The following DNAH11 variants were observed in gnomAD, a reference collection of about 807,000 sequenced individuals.
The protein encoded by DNAH11 is axonemal beta dynein heavy chain 11.
A neutral mutation model predicts 526.0 loss-of-function variants in DNAH11; 442 were observed. The observed-to-expected ratio is 0.84, with a 90% CI of 0.78 to 0.91. The LOEUF (loss-of-function observed/expected upper bound fraction) is 0.91. DNAH11 is among the 40% of genes least tolerant of loss of function. The pLI is 0.00. For synonymous variants in DNAH11, 2,461 were observed against 1,935.9 expected (o/e 1.27, Z -7.12); for missense variants, 6,989 against 5,448.7 (o/e 1.28, Z -8.90).
intron 81 of DNAH11, 78 bp from the exon 82 acceptor site, chr7:21,900,929 T>G: frequency 7.2e-7 from 1 of 1,395,480 alleles, no homozygotes. Flanking sequence ...GAATGTTTAT[T>G]GCATCAAACA....
chr7:21,816,532 C>G lies in DNAH11; in HGVS notation c.10398C>G (p.Ala3466=). 1 of 1,612,728 alleles carries G rather than the reference C, an allele frequency of 6.2e-7. No homozygotes were observed. The highest frequency in any genetic ancestry group is 2.2e-5 in the East Asian group (1 of 44,832). The change falls in exon 64 of 82, where the codon GCC becomes GCG. Residue 3466 remains alanine (A), a synonymous_variant. Transcript: ENST00000409508. Reference sequence around the variant, plus strand: ...TGTTGACGGATGATGCTACAATTGCCGCCTGGAATAACGAAGGACTGCCCA... The same window carrying G: ...TGTTGACGGATGATGCTACAATTGCGGCCTGGAATAACGAAGGACTGCCCA... ...ISMLTDDATI[A]AWNNEGLPSD...
In DNAH11 at chr7:21,901,132, G is replaced by C. The variant is rs551275210; in HGVS notation, c.13429G>C (p.Glu4477Gln). ...CAGACAAGAAACCAAACAGACCTAC[G>C]AGTGCCCTGTGTATAGAACCAAACT... ...VDRQETKQTY[E>Q]CPVYRTKLRG... Residue 4477 changes from glutamate to glutamine, a missense_variant, in exon 82 of 82, where the codon GAG becomes CAG. Coordinates refer to ENST00000409508, the MANE Select transcript of DNAH11 (RefSeq NM_001277115.2). The C allele has an allele frequency of 4.3e-6, 7 of 1,613,236 alleles. No individual in the cohort carries two copies. Among genetic ancestry groups the C allele is most frequent in the Non-Finnish European group, 5.9e-6 (7 of 1,179,382 alleles).
At chr7:21,728,554 C>T (rs558939710) in intron 45 of DNAH11, among the ~76,000 whole-genome samples, 5 of 152,204 alleles carry the variant, frequency 3.3e-5, no homozygotes, top group African/African-American at 9.6e-5. Context: ...CCGCCACGCC[C>T]GGCCTACCAA....
At position 21,744,513 on chromosome 7, in the gene DNAH11, C is replaced by G; in HGVS notation, c.8230C>G (p.Arg2744Gly). 6.2e-7 allele frequency: 1 copy of G among 1,613,760 alleles called. No individual in the cohort carries two copies. Among genetic ancestry groups the G allele is most frequent in the Non-Finnish European group, 8.5e-7 (1 of 1,179,810 alleles). ...ACATCTGTGGCTTCATGAATCTGCC[C>G]GTGTTTATGGAGACAAACTGATAGA... is the stretch of plus-strand genomic sequence containing the variant. ...LIHLWLHESA[R>G]VYGDKLIDKK... Residue 2744 changes from arginine to glycine, a missense_variant, in exon 50 of 82, where the codon CGT becomes GGT. Physicochemically the swap from Arg to Gly is moderately radical, Grantham distance 125. Transcript: ENST00000409508.
At chr7:21,874,543 C>T (rs534146374) in intron 74 of DNAH11, among the ~76,000 whole-genome samples, 9 of 152,178 alleles carry the variant, frequency 5.9e-5, no homozygotes, top group Non-Finnish European at 8.8e-5. Context: ...ATCATGTTAG[C>T]CAGGCTGGTC....
chr7:21,659,987 A>G (rs1297752951), intron 30 of DNAH11, among the ~76,000 whole-genome samples: 1 of 152,098 alleles, frequency 6.6e-6, no homozygotes, highest in African/African-American at 2.4e-5. Context: ...TTGGGGAAAA[A>G]GAAATTCTTG....
At position 21,658,937 on chromosome 7, in the gene DNAH11, G is replaced by C. The variant is rs1484733044; in HGVS notation, c.5234G>C (p.Ser1745Thr). ...TTCCCAGCTCAGGTTGCACTAACCA[G>C]CTCACAAATATGGTGGACCACAGAT... ...FDFPAQVALT[S>T]SQIWWTTDVG... The change falls in exon 30 of 82, where the codon AGC becomes ACC. Residue 1745 changes from serine (S) to threonine (T), a missense_variant. By Grantham distance (58) the Ser-to-Thr change is moderately conservative. Coordinates refer to ENST00000409508, the MANE Select transcript of DNAH11 (RefSeq NM_001277115.2). 6.2e-7 allele frequency: 1 copy of C among 1,610,774 alleles called. No homozygotes were observed. The highest frequency in any genetic ancestry group is 1.3e-5 in the African/African-American group (1 of 74,892).
At position 21,872,755 on chromosome 7, in the gene DNAH11, T is replaced by G. The variant is rs76687449; in HGVS notation, c.11968-519T>G. Among the ~76,000 whole-genome samples the G allele has an allele frequency of 1.9e-3, 286 of 152,384 alleles. 1 individual carries two copies. Among genetic ancestry groups the G allele is most frequent in the African/African-American group, 6.5e-3 (270 of 41,596 alleles). ...ACAAAACATCTTAACAATGAATGAT[T>G]GCTTGCTTTCAGCTAGCCTTGCTTC... On this transcript the variant is annotated intron_variant, in intron 73 of 81. Coordinates refer to ENST00000409508, the MANE Select transcript of DNAH11 (RefSeq NM_001277115.2).
intron 14 of DNAH11, among the ~76,000 whole-genome samples, chr7:21,597,176 C>T (rs150893591): frequency 3.3e-5 from 5 of 152,258 alleles, no homozygotes; most frequent in African/African-American, 4.8e-5. Context: ...CTTTCTCTTC[C>T]TTTCGCTCCC....
rs541088895 is a variant in DNAH11 at position 21,830,117 on chromosome 7, T to C, written c.10691+11778T>C. Among the ~76,000 whole-genome samples the C allele has an allele frequency of 1.2e-4, 19 of 152,338 alleles. No individual in the cohort carries two copies. In the South Asian group the frequency reaches 3.9e-3, roughly 32 times the overall value. ...TTATGCATATCTGACGTTTGAAAGG[T>C]TAATTTATAGATGATACGTATTTGA... is the stretch of plus-strand genomic sequence containing the variant. On this transcript the variant is annotated intron_variant, in intron 65 of 81. Coordinates refer to ENST00000409508, the MANE Select transcript of DNAH11 (RefSeq NM_001277115.2).
Position 21,899,537 on chromosome 7 carries a change from T to C in DNAH11, c.13162+89T>C. The stretch of plus-strand genomic sequence containing the variant: ...TTTGTTTACCTATGATGGCGTCTCC[T>C]TGCCCTGCTCACCAATCCTCAAGCA... On this transcript the variant is annotated intron_variant, in intron 80 of 81. Transcript: ENST00000409508. 4.0e-6 allele frequency: 4 copies of C among 1,011,524 alleles called. No homozygotes were observed. The South Asian group carries it at 4.7e-5, about 12-fold the overall frequency. 62.7% of individuals were successfully genotyped at this position (1,011,524 alleles called of 1,614,324 possible). A position where few individuals can be genotyped will look rare whatever the true frequency, so the allele number is the denominator to read the frequency against.
In DNAH11 at chr7:21,703,141, C is replaced by T. The variant is rs184547608; in HGVS notation, c.6273+339C>T. Among the ~76,000 whole-genome samples, 220 of 152,158 alleles carry T rather than the reference C, an allele frequency of 1.4e-3. 1 individual carries two copies. Among genetic ancestry groups the T allele is most frequent in the Admixed American group, 6.6e-3 (101 of 15,292 alleles). On this transcript the variant is annotated intron_variant, in intron 37 of 81. Coordinates refer to ENST00000409508, the MANE Select transcript of DNAH11 (RefSeq NM_001277115.2). ...ATCTGATTGAATTGGGATATTAATCCTGGAAAGTCAGCGAAGACATAATGG... is the reference window on the plus strand; with the variant it reads ...ATCTGATTGAATTGGGATATTAATCTTGGAAAGTCAGCGAAGACATAATGG...
chr7:21,644,253 A>C (rs1361302665), intron 28 of DNAH11, among the ~76,000 whole-genome samples: 1 of 152,118 alleles, frequency 6.6e-6, no homozygotes, highest in Non-Finnish European at 1.5e-5. Flanking sequence ...TAGACCCCAC[A>C]TTCCCACAAG....
Position 21,900,125 on chromosome 7 carries a change from G to GACACCCCA in DNAH11, c.13303+7_13303+14dup. On this transcript the variant is annotated splice_donor_region_variant and intron_variant, in intron 81 of 81. Coordinates refer to ENST00000409508, the MANE Select transcript of DNAH11 (RefSeq NM_001277115.2). ...TCCACGGACTCTTCATGGAGGGTAA[G>GACACCCCA]ACACCCCAAGGGGTAAGTGGGGAAC... 1 of 1,609,390 alleles carries GACACCCCA rather than the reference G, an allele frequency of 6.2e-7. No individual in the cohort carries two copies. The highest frequency in any genetic ancestry group is 8.5e-7 in the Non-Finnish European group (1 of 1,177,370).
intron 30 of DNAH11, among the ~76,000 whole-genome samples, chr7:21,664,198 A>G (rs1404095898): frequency 3.8e-5 from 4 of 104,168 alleles, no homozygotes; most frequent in East Asian, 2.5e-4. Flanking sequence ...TGTGGTTTCT[A>G]TTCTTTAATC....
At chr7:21,631,604 C>G (rs752603049) in intron 25 of DNAH11, among the ~76,000 whole-genome samples, 14 of 152,194 alleles carry the variant, frequency 9.2e-5, no homozygotes, top group Non-Finnish European at 2.1e-4. Flanking sequence ...TGAAATCCAG[C>G]GGGGCAGTCA....
intron 54 of DNAH11, among the ~76,000 whole-genome samples, chr7:21,757,531 G>T (rs1786691288): frequency 6.6e-6 from 1 of 151,964 alleles, no homozygotes; most frequent in Non-Finnish European, 1.5e-5. Flanking sequence ...CCTTTCTTCA[G>T]GTTCTTATAT....
chr7:21,684,413 G>A (rs1783282324), intron 32 of DNAH11, among the ~76,000 whole-genome samples: 1 of 152,242 alleles, frequency 6.6e-6, no homozygotes, highest in Non-Finnish European at 1.5e-5. Flanking sequence ...GGTTCCTGCT[G>A]TCACAGAGAT....
At chr7:21,708,522 G>T (rs1039740555) in intron 40 of DNAH11, among the ~76,000 whole-genome samples, 1 of 152,144 alleles carries the variant, frequency 6.6e-6, no homozygotes, top group Non-Finnish European at 1.5e-5. Context: ...CAGACAGAGG[G>T]GCTTCAAATG....
Sources: allele counts gnomAD v4.1 joint callset (sites outside exome capture counted in the v4.1 genomes callset), GRCh38; gene constraint gnomAD v4.1.1; transcripts MANE v1.5; gene names NCBI Gene and HGNC (gene_info 2026-07-23, HGNC 2026-07-21).